Variants in ADCY8 observed in about 807,000 individuals in gnomAD.
The protein encoded by ADCY8 is adenylate cyclase type 8.
Under a neutral mutation model 119.7 loss-of-function variants are expected in ADCY8, and 51 were observed. That is an observed-to-expected ratio of 0.43 (90% CI 0.34 to 0.54). ADCY8 has a LOEUF of 0.54. ADCY8 is among the 20% of genes least tolerant of loss of function. ADCY8 has a pLI of 0.03. For missense variants in ADCY8, 1,383 were observed against 1,598.8 expected (o/e 0.87, Z 2.30); for synonymous variants, 665 against 651.0 (o/e 1.02, Z -0.33).
intron 8 of ADCY8, among the ~76,000 whole-genome samples, chr8:130,880,225 G>C (rs1270512729): frequency 2.0e-5 from 3 of 152,114 alleles, no homozygotes; most frequent in African/African-American, 7.2e-5. Flanking sequence ...TAATACGGTT[G>C]TGTACATAAG....
intron 7 of ADCY8, among the ~76,000 whole-genome samples, chr8:130,893,332 A>G (rs1470380393): frequency 6.6e-6 from 1 of 152,160 alleles, no homozygotes; most frequent in African/African-American, 2.4e-5. Context: ...CTAGGAATGG[A>G]GGCAAGATTT....
At chr8:130,977,277 A>G (rs990857498) in intron 2 of ADCY8, among the ~76,000 whole-genome samples, 1 of 152,238 alleles carries the variant, frequency 6.6e-6, no homozygotes, top group African/African-American at 2.4e-5. Context: ...AACAATGATC[A>G]ATCCAACCTT....
chr8:130,951,806 T>C, intron 3 of ADCY8, 62 bp downstream of exon 3: 3 of 1,591,514 alleles, frequency 1.9e-6, no homozygotes, highest in East Asian at 2.3e-5. Flanking sequence ...GGAAGTGCAA[T>C]GAGAGCACCC....
intron 2 of ADCY8, among the ~76,000 whole-genome samples, chr8:130,962,725 C>T (rs914996195): frequency 6.6e-6 from 1 of 152,198 alleles, no homozygotes; most frequent in Non-Finnish European, 1.5e-5. Context: ...TGGGCTTACA[C>T]ATAGCAGCAG....
intron 3 of ADCY8, among the ~76,000 whole-genome samples, chr8:130,946,646 C>T (rs1821114808): frequency 6.6e-6 from 1 of 152,194 alleles, no homozygotes; most frequent in African/African-American, 2.4e-5. Context: ...CATCTATTAG[C>T]TGAAGAACAA....
chr8:130,903,891 G>T lies in ADCY8; in HGVS notation c.1792C>A (p.Pro598Thr). 6.2e-7 allele frequency: 1 copy of T among 1,614,078 alleles called. No individual in the cohort carries two copies. Among genetic ancestry groups the T allele is most frequent in the South Asian group, 1.1e-5 (1 of 91,076 alleles). Residue 598 changes from proline (P) to threonine (T), a missense_variant, in exon 7 of 18, where the codon CCT becomes ACT. By Grantham distance (38) the Pro-to-Thr change is conservative. Coordinates refer to ENST00000286355, the MANE Select transcript of ADCY8 (RefSeq NM_001115.3). ...KQPEDSLLSLPEDIVKESVSS... is the reference protein window; with the variant it reads ...KQPEDSLLSLTEDIVKESVSS... Reference sequence around the variant, plus strand: ...ACTGACTCCTTGACGATATCTTCAGGCAAGGACAGCAGACTGTCCTCAGGC... The same window carrying T: ...ACTGACTCCTTGACGATATCTTCAGTCAAGGACAGCAGACTGTCCTCAGGC...
At chr8:130,810,880 G>A (rs263252) in intron 14 of ADCY8, among the ~76,000 whole-genome samples, 122,104 of 152,100 alleles carry the variant, frequency 0.8, 49,221 homozygotes, top group East Asian at 0.92. Context: ...TTTCAGGATG[G>A]AACCAGTATG....
chr8:130,936,898 A>G (rs1563735934), intron 5 of ADCY8, among the ~76,000 whole-genome samples, 175 bp downstream of exon 5: 1 of 152,222 alleles, frequency 6.6e-6, no homozygotes, highest in Non-Finnish European at 1.5e-5. Flanking sequence ...GAAAACAATG[A>G]TGCTAACAGG....
At chr8:130,883,519 A>C (rs1280774695) in intron 8 of ADCY8, among the ~76,000 whole-genome samples, 3 of 152,180 alleles carry the variant, frequency 2.0e-5, no homozygotes, top group Non-Finnish European at 4.4e-5. Flanking sequence ...GCTCATTGGG[A>C]ATGCTGTATG....
At chr8:130,806,913 A>G (rs1250478522) in intron 14 of ADCY8, among the ~76,000 whole-genome samples, 1 of 152,134 alleles carries the variant, frequency 6.6e-6, no homozygotes, top group African/African-American at 2.4e-5. Context: ...GACAACCTAC[A>G]TACACCTTCC....
intron 8 of ADCY8, among the ~76,000 whole-genome samples, chr8:130,872,735 G>A (rs1042710617): frequency 2.0e-5 from 3 of 152,034 alleles, no homozygotes; most frequent in African/African-American, 7.3e-5. Flanking sequence ...CTGATAATAG[G>A]GAAGAAAACA....
chr8:130,795,244 G>C (rs968059315), intron 15 of ADCY8, among the ~76,000 whole-genome samples: 2 of 152,224 alleles, frequency 1.3e-5, no homozygotes, highest in Admixed American at 6.5e-5. Flanking sequence ...AGATGAATCA[G>C]CAGAGCCTCC....
chr8:130,820,790 C>T (rs3829032), intron 13 of ADCY8, among the ~76,000 whole-genome samples: 25,019 of 152,176 alleles, frequency 0.16, 2,370 homozygotes, highest in Middle Eastern at 0.35. Context: ...AGATCTGTAA[C>T]GAAGTCTTTA....
chr8:130,888,924 A>G (rs112281758), intron 7 of ADCY8, among the ~76,000 whole-genome samples: 1,545 of 152,206 alleles, frequency 0.01, 42 homozygotes, highest in Non-Finnish European at 0.011. Context: ...TCCCAGCAAG[A>G]CTGCAGGCTG....
chr8:131,005,306 C>G (rs1411184), intron 1 of ADCY8, among the ~76,000 whole-genome samples: 13,913 of 152,108 alleles, frequency 0.091, 1,941 homozygotes, highest in African/African-American at 0.3. Flanking sequence ...GTAAATATCC[C>G]AAAATGGCAG....
intron 6 of ADCY8, 116 bp from the exon 7 acceptor site, chr8:130,904,158 T>C: frequency 9.6e-7 from 1 of 1,040,634 alleles, no homozygotes; most frequent in Non-Finnish European, 1.4e-6. Context: ...TTAGGACATG[T>C]CCTCAGGGAC....
chr8:130,793,446 C>T (rs368766591), intron 15 of ADCY8, among the ~76,000 whole-genome samples: 50 of 152,300 alleles, frequency 3.3e-4, no homozygotes, highest in African/African-American at 1.1e-3. Context: ...CTTCCCCCAC[C>T]GAATGTATCT....
intron 2 of ADCY8, among the ~76,000 whole-genome samples, chr8:130,963,169 C>T (rs10956565): frequency 0.98 from 148,151 of 150,672 alleles, 72,844 homozygotes; most frequent in African/African-American, 1. Flanking sequence ...TAATCATTTA[C>T]TTACTAAGTC....
intron 2 of ADCY8, among the ~76,000 whole-genome samples, chr8:130,971,549 C>G (rs981830817): frequency 6.6e-6 from 1 of 152,068 alleles, no homozygotes; most frequent in Non-Finnish European, 1.5e-5. Context: ...CAAAATGATG[C>G]AATTTACTGA....
Sources: gnomAD v4.1 joint callset for allele counts (sites outside exome capture counted in the v4.1 genomes callset) on GRCh38, gnomAD v4.1.1 for gene constraint, MANE v1.5 for transcripts, NCBI Gene and HGNC (gene_info 2026-07-23, HGNC 2026-07-21) for gene names.